The following GRIA1 variants were observed in gnomAD, a reference collection of about 807,000 sequenced individuals.
GRIA1 encodes the protein glutamate receptor 1.
Under a neutral mutation model 99.2 loss-of-function variants are expected in GRIA1, and 31 were observed. That is an observed-to-expected ratio of 0.31 (90% CI 0.23 to 0.42). The LOEUF (loss-of-function observed/expected upper bound fraction) is 0.42, where lower values mean the gene tolerates loss of function less well. GRIA1 is among the 10% of genes least tolerant of loss of function. The pLI, the probability that GRIA1 is intolerant of heterozygous loss-of-function variation, is 1.00. For synonymous variants in GRIA1, 438 were observed against 432.4 expected (o/e 1.01, Z -0.16); for missense variants, 782 against 1,157.5 (o/e 0.68, Z 4.71).
At chr5:153,625,540 G>A (rs1446644355) in intron 2 of GRIA1, among the ~76,000 whole-genome samples, 5 of 152,172 alleles carry the variant, frequency 3.3e-5, no homozygotes, top group Non-Finnish European at 7.3e-5. Flanking sequence ...CGGCACTCAC[G>A]GGCAAAGGGA....
At chr5:153,689,828 C>T (rs1757613039) in intron 8 of GRIA1, among the ~76,000 whole-genome samples, 1 of 152,184 alleles carries the variant, frequency 6.6e-6, no homozygotes, top group African/African-American at 2.4e-5. Context: ...GTAGAATTTC[C>T]ACTGGGGCCT....
chr5:153,698,046 TG>T lies in GRIA1; in HGVS notation c.1139del (p.Gly380ValfsTer36). On this transcript the variant is annotated frameshift_variant, in exon 9 of 16. Coordinates refer to ENST00000285900, the MANE Select transcript of GRIA1 (RefSeq NM_000827.4). LOFTEE classifies it high-confidence loss of function. ...CTCCACTCTCTTCTCATTAACAGAT[TG>T]GTTACTGGAATGAAGATGATAAGTT... ...EMKHDGIRKI[G>X]YWNEDDKFVP... The T allele has an allele frequency of 6.4e-7, 1 of 1,573,470 alleles. No homozygotes were observed.
chr5:153,502,361 C>T (rs1054224254), intron 2 of GRIA1, among the ~76,000 whole-genome samples: 2 of 152,142 alleles, frequency 1.3e-5, no homozygotes, highest in African/African-American at 4.8e-5. Context: ...ATCATTGCTG[C>T]TTAGGGTAAT....
chr5:153,513,345 C>A (rs1335042130), intron 2 of GRIA1, among the ~76,000 whole-genome samples: 1 of 152,134 alleles, frequency 6.6e-6, no homozygotes, highest in East Asian at 1.9e-4. Flanking sequence ...CTTCATCTCA[C>A]TAGACCAAGA....
intron 11 of GRIA1, 113 bp downstream of exon 11, chr5:153,706,180 T>A: frequency 9.6e-7 from 1 of 1,039,722 alleles, no homozygotes. Flanking sequence ...CAGACCACTG[T>A]ATTCAGTTTT....
chr5:153,756,718 A>G (rs1762855695), intron 11 of GRIA1, among the ~76,000 whole-genome samples: 1 of 152,054 alleles, frequency 6.6e-6, no homozygotes. Context: ...CTTACAGAGA[A>G]CCCTAGATTA....
At chr5:153,808,898 T>C (rs1440887154) in intron 15 of GRIA1, among the ~76,000 whole-genome samples, 2 of 152,242 alleles carry the variant, frequency 1.3e-5, no homozygotes, top group African/African-American at 4.8e-5. Context: ...AGATTTTTAG[T>C]TACATGCCTG....
At chr5:153,805,284 G>A (rs1206407138) in intron 15 of GRIA1, among the ~76,000 whole-genome samples, 1 of 152,086 alleles carries the variant, frequency 6.6e-6, no homozygotes, top group South Asian at 2.1e-4. Flanking sequence ...ATTTACATGA[G>A]CTAGGGTTCT....
Position 153,747,383 on chromosome 5 carries a change from C to T in GRIA1, c.1824-17051C>T, listed in dbSNP as rs536781808. ...CAAGTCATTCAAAGGGATTTGCCCC[C>T]ATGACAAACACTTCCCACCAGGCCC... On this transcript the variant is annotated intron_variant, in intron 11 of 15. Coordinates refer to ENST00000285900, the MANE Select transcript of GRIA1 (RefSeq NM_000827.4). 3.7e-4 allele frequency among the ~76,000 whole-genome samples: 56 copies of T among 152,276 alleles called. 1 individual carries two copies. The Middle Eastern group carries it at 0.014, about 37-fold the overall frequency.
chr5:153,574,453 C>T (rs1257799865), intron 2 of GRIA1: 1 of 151,990 alleles, frequency 6.6e-6, no homozygotes, highest in African/African-American at 2.4e-5. Flanking sequence ...AAATATAAGC[C>T]TCTTTTTAAC....
intron 2 of GRIA1, among the ~76,000 whole-genome samples, chr5:153,633,391 G>A (rs760418826): frequency 8.5e-5 from 13 of 152,128 alleles, no homozygotes; most frequent in Non-Finnish European, 1.6e-4. Flanking sequence ...AATGTCTTCC[G>A]GAATTCTGTT....
At chr5:153,806,087 TCTTTA>T (rs1418712400) in intron 15 of GRIA1, among the ~76,000 whole-genome samples, 2 of 152,210 alleles carry the variant, frequency 1.3e-5, no homozygotes, top group African/African-American at 4.8e-5. Flanking sequence ...TTTGCAGCTC[TCTTTA>T]TTTTTCTGTG....
At chr5:153,516,706 A>T (rs1756661576) in intron 2 of GRIA1, among the ~76,000 whole-genome samples, 1 of 152,058 alleles carries the variant, frequency 6.6e-6, no homozygotes, top group Non-Finnish European at 1.5e-5. Flanking sequence ...ATCTCCCTTC[A>T]CGAGGAAGAA....
chr5:153,806,560 C>T (rs987254537), intron 15 of GRIA1, among the ~76,000 whole-genome samples: 65 of 152,258 alleles, frequency 4.3e-4, no homozygotes, highest in African/African-American at 1.4e-3. Context: ...CACCACGCCC[C>T]GCCCTTGGCC....
At chr5:153,717,762 G>A (rs1759770088) in intron 11 of GRIA1, among the ~76,000 whole-genome samples, 1 of 152,212 alleles carries the variant, frequency 6.6e-6, no homozygotes, top group Non-Finnish European at 1.5e-5. Flanking sequence ...AGTCCACCAT[G>A]CATGGAACTT....
chr5:153,810,007 G>T (rs1235662581), intron 15 of GRIA1, among the ~76,000 whole-genome samples: 1 of 152,050 alleles, frequency 6.6e-6, no homozygotes, highest in African/African-American at 2.4e-5. Context: ...GTTTGAGATG[G>T]ACAGTAAAAT....
intron 7 of GRIA1, among the ~76,000 whole-genome samples, chr5:153,683,559 T>C (rs924071917): frequency 2.0e-5 from 3 of 152,196 alleles, no homozygotes; most frequent in African/African-American, 7.2e-5. Context: ...CAAGGGGTCC[T>C]TGGGTCACTA....
chr5:153,776,913 T>C (rs912653648), intron 13 of GRIA1, among the ~76,000 whole-genome samples: 1 of 152,174 alleles, frequency 6.6e-6, no homozygotes, highest in African/African-American at 2.4e-5. Flanking sequence ...GAATCCTTTT[T>C]TTGCCTAATG....
chr5:153,655,822 A>G lies in GRIA1; in HGVS notation c.649A>G (p.Ile217Val). The G allele has an allele frequency of 1.2e-6, 2 of 1,612,828 alleles. No individual in the cohort carries two copies. The highest frequency in any genetic ancestry group is 3.3e-4 in the Middle Eastern group (2 of 6,054). The change falls in exon 5 of 16, where the codon ATA becomes GTA. Residue 217 changes from isoleucine (I) to valine (V), a missense_variant. Physicochemically the swap from Ile to Val is conservative, Grantham distance 29. This residue lies in a region of GRIA1 where 461 missense variants were observed against 521.7 expected (regional missense o/e 0.88). Coordinates refer to ENST00000285900, the MANE Select transcript of GRIA1 (RefSeq NM_000827.4). ...CTCCACCTATTATGTTTTGTAGATT[A>G]TAAAGCTAGAGAAGAATGGCATCGG... ...ERLNAILGQI[I>V]KLEKNGIGYH...
Sources: gnomAD v4.1 joint callset for allele counts (sites outside exome capture counted in the v4.1 genomes callset) on GRCh38, gnomAD v4.1.1 for gene constraint, gnomAD v4.1.1 regional missense constraint, MANE v1.5 for transcripts, NCBI Gene and HGNC (gene_info 2026-07-23, HGNC 2026-07-21) for gene names.